Variants in ITGB3BP observed in about 807,000 individuals in gnomAD.
ITGB3BP encodes the protein integrin subunit beta 3 binding protein, also known as centromere protein R.
Under a neutral mutation model 29.1 loss-of-function variants are expected in ITGB3BP, and 27 were observed. The ratio of observed to expected loss-of-function variants is 0.93; its 90% CI spans 0.68 to 1.28. The LOEUF (loss-of-function observed/expected upper bound fraction) is 1.28, where lower values mean the gene tolerates loss of function less well. Ranked by LOEUF, ITGB3BP falls within the 50% of genes most tolerant of loss-of-function variation. ITGB3BP has a pLI of 0.00. For synonymous variants in ITGB3BP, 61 were observed against 61.4 expected (o/e 0.99, Z 0.03); for missense variants, 192 against 200.2 (o/e 0.96, Z 0.25).
intron 2 of ITGB3BP, among the ~76,000 whole-genome samples, chr1:63,504,830 T>C (rs534145604): frequency 1.2e-4 from 19 of 152,362 alleles, no homozygotes; most frequent in African/African-American, 4.3e-4. Flanking sequence ...TTTGCATATG[T>C]TGAACCAGCC....
chr1:63,493,445 CAAA>C (rs749477408), intron 2 of ITGB3BP, among the ~76,000 whole-genome samples: 22 of 151,962 alleles, frequency 1.4e-4, no homozygotes, highest in Admixed American at 3.9e-4. Context: ...AACAAACAAA[CAAA>C]CAAACAAACC....
intron 2 of ITGB3BP, among the ~76,000 whole-genome samples, chr1:63,500,842 GA>G (rs1173984840): frequency 2.0e-5 from 3 of 151,938 alleles, no homozygotes; most frequent in African/African-American, 7.3e-5. Context: ...TCTTGAAAAA[GA>G]ACAACAAAGT....
At chr1:63,496,249 T>G (rs1645785788) in intron 2 of ITGB3BP, among the ~76,000 whole-genome samples, 2 of 152,004 alleles carry the variant, frequency 1.3e-5, no homozygotes, top group Non-Finnish European at 2.9e-5. Context: ...CGCACCACCA[T>G]GCCTGGCTAA....
At chr1:63,468,823 T>C (rs1303060786) in intron 4 of ITGB3BP, among the ~76,000 whole-genome samples, 3 of 151,854 alleles carry the variant, frequency 2.0e-5, no homozygotes, top group East Asian at 3.9e-4. Flanking sequence ...ATCGTGCCAT[T>C]GCATTTCAGC....
At chr1:63,524,838 A>T (rs1033683764), upstream of ITGB3BP, among the ~76,000 whole-genome samples, 12 of 152,198 alleles carry the variant, frequency 7.9e-5, no homozygotes, top group Admixed American at 7.9e-4. Context: ...TGTAATAGGG[A>T]TAAGACAAGA....
chr1:63,472,057 T>G (rs2100584588), intron 4 of ITGB3BP, among the ~76,000 whole-genome samples: 1 of 147,924 alleles, frequency 6.8e-6, no homozygotes, highest in East Asian at 2.0e-4. Context: ...GTGAATAACC[T>G]TTTTTTTTTT....
At chr1:63,483,142 T>C (rs1645469839) in intron 3 of ITGB3BP, among the ~76,000 whole-genome samples, 1 of 152,232 alleles carries the variant, frequency 6.6e-6, no homozygotes, top group Non-Finnish European at 1.5e-5. Context: ...GGTTTTTACA[T>C]CTTTCATTCA....
chr1:63,444,469 TATATATATTACATATAGG>T (rs1644765220), intron 8 of ITGB3BP, among the ~76,000 whole-genome samples: 3 of 146,444 alleles, frequency 2.0e-5, no homozygotes, highest in South Asian at 4.2e-4. Flanking sequence ...ACATATAGGA[TATATATATTACATATAGG>T]ATATATATAT....
At chr1:63,492,309 T>C (rs1645670072) in intron 2 of ITGB3BP, among the ~76,000 whole-genome samples, 3 of 151,952 alleles carry the variant, frequency 2.0e-5, no homozygotes, top group South Asian at 2.1e-4. Context: ...AAAATGTCTA[T>C]CTACAACTAC....
intron 8 of ITGB3BP, among the ~76,000 whole-genome samples, chr1:63,445,374 ATTG>A (rs1644778170): frequency 7.3e-6 from 1 of 136,112 alleles, no homozygotes; most frequent in Non-Finnish European, 1.5e-5. Context: ...AATATAAGCT[ATTG>A]TTACTACATA....
chr1:63,523,994 C>T (rs1178969086), upstream of ITGB3BP, among the ~76,000 whole-genome samples: 1 of 152,058 alleles, frequency 6.6e-6, no homozygotes, highest in Non-Finnish European at 1.5e-5. Context: ...CTGTCTCAGT[C>T]TCGGGCCGGA....
intron 4 of ITGB3BP, among the ~76,000 whole-genome samples, chr1:63,468,889 A>C (rs1458334472): frequency 6.6e-6 from 1 of 150,852 alleles, no homozygotes; most frequent in East Asian, 1.9e-4. Flanking sequence ...AAATAAATAA[A>C]TAAATAAATA....
chr1:63,444,655 A>AAT (rs990042354), intron 8 of ITGB3BP, among the ~76,000 whole-genome samples: 32 of 117,866 alleles, frequency 2.7e-4, no homozygotes, highest in East Asian at 2.4e-3. Flanking sequence ...CTCCTATTAC[A>AAT]ATATATATAT....
At chr1:63,468,267 G>C (rs774433943) in intron 4 of ITGB3BP, among the ~76,000 whole-genome samples, 28 of 152,172 alleles carry the variant, frequency 1.8e-4, no homozygotes, top group Non-Finnish European at 3.1e-4. Flanking sequence ...CCAATCAACT[G>C]TCCAGGGTAG....
chr1:63,473,591 G>A (rs866015274), intron 4 of ITGB3BP, among the ~76,000 whole-genome samples: 3,501 of 129,312 alleles, frequency 0.027, 122 homozygotes, highest in East Asian at 0.072. Context: ...CCCCCTGCCC[G>A]GCCAGCCGCC....
At position 63,454,968 on chromosome 1, in the gene ITGB3BP, T is replaced by C. The variant is rs1219648405; in HGVS notation, c.255A>G (p.Glu85=). The change falls in exon 5 of 9, where the codon GAA becomes GAG. Residue 85 remains glutamate (E), a splice_region_variant and synonymous_variant. Transcript: ENST00000271002. The surrounding 1 kb of genome is among the most constrained non-coding windows in gnomAD (Gnocchi z 4.1). ...CAACTTTTGATAGCAACATCATGAA[T>C]CTAGTAATAAAGAAAAAGACAATAC... The part of the protein sequence containing the change: ...SKESTTKDND[E]FMMLLSKVEK... 1.4e-6 allele frequency: 2 copies of C among 1,470,072 alleles called. No individual in the cohort carries two copies. Among genetic ancestry groups the C allele is most frequent in the East Asian group, 4.5e-5 (2 of 44,142 alleles). 91.1% of individuals were successfully genotyped at this position (1,470,072 alleles called of 1,614,324 possible).
In ITGB3BP at chr1:63,498,688, G is replaced by GA. The variant is rs377101604; in HGVS notation, c.49-8471dup. On this transcript the variant is annotated intron_variant, in intron 2 of 8. Coordinates refer to ENST00000271002, the MANE Select transcript of ITGB3BP (RefSeq NM_014288.5). Reference sequence around the variant, plus strand: ...AAACTAAACCCAAGGCAAGCAGAAGGAAAAAAAAAAAGACAATTAAAGAGA... The same window carrying GA: ...AAACTAAACCCAAGGCAAGCAGAAGGAAAAAAAAAAAAGACAATTAAAGAGA... Among the ~76,000 whole-genome samples, 857 of 137,948 alleles carry GA rather than the reference G, an allele frequency of 6.2e-3. 5 individuals are homozygous for GA. The highest frequency in any genetic ancestry group is 0.013 in the African/African-American group (500 of 37,598). The allele number at this position is 137,948 out of a possible 152,430, so 90.5% of individuals were successfully genotyped here. A position where few individuals can be genotyped will look rare whatever the true frequency, so the allele number is the denominator to read the frequency against.
At chr1:63,461,503 G>A (rs1645018361) in intron 4 of ITGB3BP, among the ~76,000 whole-genome samples, 1 of 151,922 alleles carries the variant, frequency 6.6e-6, no homozygotes, top group Non-Finnish European at 1.5e-5. Flanking sequence ...TTTGTTCATT[G>A]TGCTTTTGGT....
intron 7 of ITGB3BP, among the ~76,000 whole-genome samples, chr1:63,450,970 C>T (rs1051388869): frequency 2.0e-5 from 3 of 151,744 alleles, no homozygotes; most frequent in Non-Finnish European, 4.4e-5. Flanking sequence ...GAATGTGTGT[C>T]AGATGTCTAT....
Sources: allele counts gnomAD v4.1 joint callset (sites outside exome capture counted in the v4.1 genomes callset), GRCh38; gene constraint gnomAD v4.1.1; non-coding constraint Gnocchi (gnomAD v3.1); transcripts MANE v1.5; gene names NCBI Gene and HGNC (gene_info 2026-07-23, HGNC 2026-07-21).